The following RGS7 variants were observed in gnomAD, a reference collection of about 807,000 sequenced individuals.
RGS7 encodes regulator of G-protein signaling 7.
RGS7 carries 27 observed loss-of-function variants against 81.1 expected under a neutral mutation model. The observed-to-expected ratio is 0.33, with a 90% CI of 0.25 to 0.46. RGS7 has a LOEUF of 0.46. Among genes scored for constraint, RGS7 ranks in the 20% least tolerant of loss-of-function variants. The pLI is 1.00. For synonymous variants in RGS7, 208 were observed against 207.7 expected, an observed-to-expected ratio of 1.00 and a Z score of -0.01; for missense variants, 396 against 607.4, an observed-to-expected ratio of 0.65 and a Z score of 3.66.
chr1:240,793,179 G>A (rs1335534635), intron 18 of RGS7, among the ~76,000 whole-genome samples: 3 of 152,132 alleles, frequency 2.0e-5, no homozygotes, highest in Non-Finnish European at 4.4e-5. Context: ...GGGCTGTATC[G>A]GACACTCTGA....
chr1:241,081,127 A>T (rs2063106762), intron 3 of RGS7, among the ~76,000 whole-genome samples: 1 of 152,132 alleles, frequency 6.6e-6, no homozygotes, highest in African/African-American at 2.4e-5. Flanking sequence ...TTAGTGCTGA[A>T]CCTGCCCTCC....
Position 240,834,757 on chromosome 1 carries a change from C to G in RGS7, c.610-7585G>C, listed in dbSNP as rs577314661. ...CCATCTCCTGACCTCGTGATCCGCC[C>G]GCCTCGGCCTCCCAAAATGCTGAGA... On this transcript the variant is annotated intron_variant, in intron 9 of 18. Transcript: ENST00000440928. Among the ~76,000 whole-genome samples the G allele has an allele frequency of 7.9e-5, 12 of 152,218 alleles. No homozygotes were observed. The East Asian group carries it at 2.3e-3, about 29-fold the overall frequency.
intron 5 of RGS7, among the ~76,000 whole-genome samples, chr1:240,934,630 T>G (rs565923799): frequency 1.6e-4 from 25 of 152,286 alleles, no homozygotes; most frequent in Non-Finnish European, 3.1e-4. Context: ...CAAATATGGA[T>G]GCATCATTAA....
At chr1:240,902,694 T>G (rs1437051835) in intron 6 of RGS7, among the ~76,000 whole-genome samples, 1 of 152,226 alleles carries the variant, frequency 6.6e-6, no homozygotes, top group African/African-American at 2.4e-5. Flanking sequence ...ATTACTGGTT[T>G]GTTTACAATA....
intron 5 of RGS7, among the ~76,000 whole-genome samples, chr1:240,933,027 G>A (rs1467022051): frequency 6.7e-6 from 1 of 149,052 alleles, no homozygotes. Flanking sequence ...GGGACTACAG[G>A]CGCCCGCACC....
intron 2 of RGS7, among the ~76,000 whole-genome samples, chr1:241,198,722 A>T (rs1260162301): frequency 6.6e-6 from 1 of 152,202 alleles, no homozygotes; most frequent in African/African-American, 2.4e-5. Context: ...CTATAACCTC[A>T]GTGTTGTTAC....
intron 3 of RGS7, among the ~76,000 whole-genome samples, chr1:241,056,972 C>T (rs1441455581): frequency 6.6e-6 from 1 of 152,074 alleles, no homozygotes; most frequent in Non-Finnish European, 1.5e-5. Flanking sequence ...TTTTGTCCTT[C>T]CTCTCACTTT....
At chr1:241,098,824 C>T in intron 2 of RGS7, 62 bp from the exon 3 acceptor site, 1 of 1,204,194 alleles carries the variant, frequency 8.3e-7, no homozygotes, top group Non-Finnish European at 1.2e-6. Context: ...AAAAAATCAG[C>T]TCTCATAACA....
At chr1:241,124,028 T>C (rs1019354248) in intron 2 of RGS7, among the ~76,000 whole-genome samples, 2 of 152,104 alleles carry the variant, frequency 1.3e-5, no homozygotes, top group Non-Finnish European at 2.9e-5. Context: ...AATGAATCAC[T>C]CCAATTTCTT....
chr1:241,227,192 A>C (rs569247556), intron 2 of RGS7, among the ~76,000 whole-genome samples: 1 of 152,316 alleles, frequency 6.6e-6, no homozygotes, highest in African/African-American at 2.4e-5. Context: ...ACGTGCACTG[A>C]GAGAAAATGA....
At chr1:241,050,762 C>T (rs1368052192) in intron 3 of RGS7, among the ~76,000 whole-genome samples, 1 of 152,120 alleles carries the variant, frequency 6.6e-6, no homozygotes, top group Non-Finnish European at 1.5e-5. Flanking sequence ...TCCACTTCTA[C>T]TTAATGGATA....
chr1:240,872,263 A>G (rs189394452), intron 6 of RGS7, among the ~76,000 whole-genome samples: 6 of 152,296 alleles, frequency 3.9e-5, no homozygotes, highest in African/African-American at 1.4e-4. Context: ...AAGTGATAAA[A>G]TCTCCCTAAA....
intron 6 of RGS7, among the ~76,000 whole-genome samples, chr1:240,915,586 A>C (rs1672472133): frequency 2.6e-5 from 4 of 152,224 alleles, no homozygotes; most frequent in Admixed American, 6.5e-5. Context: ...TAGCTACAGC[A>C]AACAGTAAAC....
intron 2 of RGS7, among the ~76,000 whole-genome samples, chr1:241,179,834 C>T (rs1198970522): frequency 6.7e-6 from 1 of 148,242 alleles, no homozygotes; most frequent in Non-Finnish European, 1.5e-5. Flanking sequence ...GGGTACTTGG[C>T]AAATATACAT....
chr1:241,265,786 C>CTTT (rs577669455), intron 2 of RGS7, among the ~76,000 whole-genome samples: 1 of 90,232 alleles, frequency 1.1e-5, no homozygotes, highest in Non-Finnish European at 2.0e-5. Flanking sequence ...TTTCCTCGTC[C>CTTT]TTTTTTTTTT....
At chr1:240,878,449 G>A (rs769417621) in intron 6 of RGS7, among the ~76,000 whole-genome samples, 1 of 150,408 alleles carries the variant, frequency 6.6e-6, no homozygotes, top group Non-Finnish European at 1.5e-5. Context: ...GTGTTCATTC[G>A]AGGTTTTGTG....
At chr1:240,828,481 G>A (rs1298679494) in intron 9 of RGS7, among the ~76,000 whole-genome samples, 1 of 152,218 alleles carries the variant, frequency 6.6e-6, no homozygotes, top group Non-Finnish European at 1.5e-5. Context: ...AGGATTTAAC[G>A]ATCTCTGGTA....
At chr1:241,127,262 T>G (rs1034503918) in intron 2 of RGS7, among the ~76,000 whole-genome samples, 60 of 152,204 alleles carry the variant, frequency 3.9e-4, no homozygotes, top group African/African-American at 1.4e-3. Flanking sequence ...AATACATATT[T>G]TTTAAGCTCA....
At chr1:241,011,448 T>C (rs1202657072) in intron 3 of RGS7, among the ~76,000 whole-genome samples, 2 of 152,138 alleles carry the variant, frequency 1.3e-5, no homozygotes, top group Non-Finnish European at 1.5e-5. Flanking sequence ...CCTTGAGTGT[T>C]AGAAATGAAA....
Sources: allele counts gnomAD v4.1 joint callset (sites outside exome capture counted in the v4.1 genomes callset), GRCh38; gene constraint gnomAD v4.1.1; transcripts MANE v1.5; gene names NCBI Gene and HGNC (gene_info 2026-07-23, HGNC 2026-07-21).